The following DPYSL4 variants were observed in gnomAD, a reference collection of about 807,000 sequenced individuals.
DPYSL4 encodes the protein dihydropyrimidinase like 4.
DPYSL4 carries 43 observed loss-of-function variants against 63.4 expected under a neutral mutation model. That is an observed-to-expected ratio of 0.68 (90% CI 0.53 to 0.88). DPYSL4 has a LOEUF of 0.88. Among genes scored for constraint, DPYSL4 ranks in the 40% least tolerant of loss-of-function variants. The pLI, the probability that DPYSL4 is intolerant of heterozygous loss-of-function variation, is 0.00. For synonymous variants in DPYSL4, 353 were observed against 331.7 expected, an observed-to-expected ratio of 1.06 and a Z score of -0.70; for missense variants, 733 against 819.5, an observed-to-expected ratio of 0.89 and a Z score of 1.29.
chr10:132,199,015 C>A, intron 8 of DPYSL4, 44 bp downstream of exon 8: 1 of 1,594,022 alleles, frequency 6.3e-7, no homozygotes, highest in South Asian at 1.1e-5. Flanking sequence ...GCCATGGTCT[C>A]GGCCTCCTGG....
Position 132,202,754 on chromosome 10 carries a change from G to T in DPYSL4, c.1390G>T (p.Gly464Trp). Residue 464 changes from glycine (G) to tryptophan (W), a missense_variant, in exon 12 of 14, where the codon GGG (glycine) becomes TGG (tryptophan). Physicochemically the swap from Gly to Trp is radical, Grantham distance 184. Transcript: ENST00000338492. ...GGACGGGAAGATGTTTGTCACCCCG[G>T]GGGCGGGCCGCTTCGTCCCTCGGAA... ...LEDGKMFVTP[G>W]AGRFVPRKTF... is the part of the protein sequence containing the mutation. 1 of 1,613,040 alleles carries T rather than the reference G, an allele frequency of 6.2e-7. No individual in the cohort carries two copies. The highest frequency in any genetic ancestry group is 8.5e-7 in the Non-Finnish European group (1 of 1,179,878).
In DPYSL4 at chr10:132,198,454, G is replaced by A. The variant is rs1451195393; in HGVS notation, c.661G>A (p.Glu221Lys). The change falls in exon 7 of 14, where the codon GAG becomes AAG. Residue 221 changes from glutamate (E) to lysine (K), a missense_variant. By Grantham distance (56) the Glu-to-Lys change is moderately conservative (BLOSUM62 1). Transcript: ENST00000338492. ...GCTGGAGCTCGGCATCACTGGCCCCGAGGGCCACGTGCTCAGCCACCCCGA... is the reference window on the plus strand; with the variant it reads ...GCTGGAGCTCGGCATCACTGGCCCCAAGGGCCACGTGCTCAGCCACCCCGA... The part of the protein sequence containing the change: ...RLLELGITGP[E>K]GHVLSHPEEV... 6.2e-6 allele frequency: 10 copies of A among 1,606,620 alleles called. No individual in the cohort carries two copies. Among genetic ancestry groups the A allele is most frequent in the South Asian group, 1.1e-5 (1 of 89,818 alleles).
rs140074486 is a variant in DPYSL4 at position 132,196,132 on chromosome 10, T to A, written c.479-729T>A. 2.2e-4 allele frequency among the ~76,000 whole-genome samples: 33 copies of A among 152,314 alleles called. No homozygotes were observed. The East Asian group carries it at 5.6e-3, about 26-fold the overall frequency. On this transcript the variant is annotated intron_variant, in intron 4 of 13. Coordinates refer to ENST00000338492, the MANE Select transcript of DPYSL4 (RefSeq NM_006426.3). ...GCCTTAGCTTGTCACACTAGCACTT[T>A]CCACCCAGCGAGGAGGAGATGCCAT... is the stretch of plus-strand genomic sequence containing the variant.
At chr10:132,202,467 C>T (rs906649557) in intron 11 of DPYSL4, among the ~76,000 whole-genome samples, 179 bp from the exon 12 acceptor site, 2 of 152,190 alleles carry the variant, frequency 1.3e-5, no homozygotes, top group Non-Finnish European at 2.9e-5. Flanking sequence ...GTCCGTAGGC[C>T]GAGGGGGGGC....
Position 132,194,865 on chromosome 10 carries a change from A to C in DPYSL4, c.334A>C (p.Thr112Pro), listed in dbSNP as rs754020865. 6.2e-7 allele frequency: 1 copy of C among 1,612,724 alleles called. No homozygotes were observed. The highest frequency in any genetic ancestry group is 1.1e-5 in the South Asian group (1 of 91,040). The part of the protein sequence containing the change: ...TMILDHVFPD[T>P]GVSLLAAYEQ... ...CACAGTGGACCACGTCTTCCCCGACACGGGTGTGAGCCTGCTGGCGGCCTA... is the reference window on the plus strand; with the variant it reads ...CACAGTGGACCACGTCTTCCCCGACCCGGGTGTGAGCCTGCTGGCGGCCTA... The change falls in exon 4 of 14, where the codon ACG (threonine) becomes CCG (proline). Residue 112 changes from threonine to proline, a missense_variant. By Grantham distance (38) the Thr-to-Pro change is conservative. Coordinates refer to ENST00000338492, the MANE Select transcript of DPYSL4 (RefSeq NM_006426.3).
chr10:132,198,452 C>T lies in DPYSL4; in HGVS notation c.659C>T (p.Pro220Leu). ...KRLLELGITG[P>L]EGHVLSHPEE... Reference sequence around the variant, plus strand: ...TTGCTGGAGCTCGGCATCACTGGCCCCGAGGGCCACGTGCTCAGCCACCCC... The same window carrying T: ...TTGCTGGAGCTCGGCATCACTGGCCTCGAGGGCCACGTGCTCAGCCACCCC... The change falls in exon 7 of 14, where the codon CCC becomes CTC. Residue 220 changes from proline to leucine, a missense_variant. Transcript: ENST00000338492. 6.2e-7 allele frequency: 1 copy of T among 1,606,886 alleles called. No individual in the cohort carries two copies. The highest frequency in any genetic ancestry group is 8.5e-7 in the Non-Finnish European group (1 of 1,178,430).
chr10:132,194,861 C>A lies in DPYSL4; in HGVS notation c.330C>A (p.Pro110=). The change falls in exon 4 of 14, where the codon CCC becomes CCA. Residue 110 remains proline, a synonymous_variant. Transcript: ENST00000338492. ...CCTTCACAGTGGACCACGTCTTCCC[C>A]GACACGGGTGTGAGCCTGCTGGCGG... is the stretch of plus-strand genomic sequence containing the variant. The part of the protein sequence containing the change: ...GTTMILDHVF[P]DTGVSLLAAY... 1 of 1,612,586 alleles carries A rather than the reference C, an allele frequency of 6.2e-7. No homozygotes were observed. Among genetic ancestry groups the A allele is most frequent in the Non-Finnish European group, 8.5e-7 (1 of 1,179,788 alleles).
At chr10:132,199,936 T>C (rs2061990696) in intron 8 of DPYSL4, among the ~76,000 whole-genome samples, 1 of 151,724 alleles carries the variant, frequency 6.6e-6, no homozygotes. Context: ...CCTGGGAGCA[T>C]TTCTCCCCCA....
chr10:132,203,800 C>A lies in DPYSL4; in HGVS notation c.1500C>A (p.Asp500Glu), dbSNP rs371977334. Residue 500 changes from aspartate to glutamate, a missense_variant, in exon 13 of 14, where the codon GAC becomes GAA. By Grantham distance (45) the Asp-to-Glu change is conservative. Coordinates refer to ENST00000338492, the MANE Select transcript of DPYSL4 (RefSeq NM_006426.3). ...EIHGVPRGLY[D>E]GPVHEVMVPA... ...ACGGTGTGCCCCGTGGACTGTATGA[C>A]GGGCCCGTCCACGAGGTGATGGTGC... The A allele has an allele frequency of 1.9e-6, 3 of 1,612,322 alleles. No homozygotes were observed. Among genetic ancestry groups the A allele is most frequent in the Non-Finnish European group, 2.5e-6 (3 of 1,179,570 alleles).
intron 1 of DPYSL4, among the ~76,000 whole-genome samples, 172 bp downstream of exon 1, chr10:132,187,274 C>T (rs1250670810): frequency 6.6e-6 from 1 of 151,558 alleles, no homozygotes; most frequent in Non-Finnish European, 1.5e-5. Context: ...CCCCAGGGTC[C>T]GAGAGTCCCC....
intron 2 of DPYSL4, chr10:132,192,365 C>T: frequency 3.8e-6 from 4 of 1,059,478 alleles, no homozygotes; most frequent in Non-Finnish European, 3.4e-6. Flanking sequence ...TTCCGTTTGT[C>T]AAGCTGCTCC....
Position 132,204,862 on chromosome 10 carries a change from G to C in DPYSL4, c.1651G>C (p.Ala551Pro). ...AGGGTCTCAGGCTGATGACCACATCGCCCGACGCACAGCACAGAAGATCAT... is the reference window on the plus strand; with the variant it reads ...AGGGTCTCAGGCTGATGACCACATCCCCCGACGCACAGCACAGAAGATCAT... ...LSGSQADDHIARRTAQKIMAP... is the reference protein window; with the variant it reads ...LSGSQADDHIPRRTAQKIMAP... Residue 551 changes from alanine (A) to proline (P), a missense_variant, in exon 14 of 14, where the codon GCC becomes CCC. By Grantham distance (27) the Ala-to-Pro change is conservative. Transcript: ENST00000338492. 2 of 1,611,802 alleles carry C rather than the reference G, an allele frequency of 1.2e-6. No homozygotes were observed. Among genetic ancestry groups the C allele is most frequent in the Non-Finnish European group, 1.7e-6 (2 of 1,178,804 alleles).
At chr10:132,196,276 A>G (rs916389253) in intron 4 of DPYSL4, among the ~76,000 whole-genome samples, 8 of 152,248 alleles carry the variant, frequency 5.3e-5, no homozygotes, top group Non-Finnish European at 7.4e-5. Flanking sequence ...AGGAAACAGG[A>G]GAGCTCAGCC....
At chr10:132,190,723 A>G (rs1467974970) in intron 1 of DPYSL4, 24 bp from the exon 2 acceptor site, 2 of 1,604,244 alleles carry the variant, frequency 1.2e-6, no homozygotes, top group Admixed American at 3.4e-5. Flanking sequence ...TTGGAGAAAA[A>G]TTACCCTTTG....
At chr10:132,199,414 G>T (rs1021284434) in intron 8 of DPYSL4, among the ~76,000 whole-genome samples, 8 of 152,128 alleles carry the variant, frequency 5.3e-5, no homozygotes, top group East Asian at 3.9e-4. Context: ...GGGCGGGGGG[G>T]TGCCACCCAG....
rs982321237 is a variant in DPYSL4, at chr10:132,201,964, G to A, written c.1129G>A (p.Glu377Lys). ...EKCVASGKMD[E>K]NEFVAVTSTN... is the part of the protein sequence containing the mutation. The stretch of plus-strand genomic sequence containing the variant: ...TCCCCAGGCCTCTGGGAAGATGGAC[G>A]AGAATGAGTTCGTCGCGGTGACCAG... The change falls in exon 11 of 14, where the codon GAG (glutamate) becomes AAG (lysine). Residue 377 changes from glutamate to lysine, a missense_variant. Physicochemically the swap from Glu to Lys is moderately conservative, Grantham distance 56. Transcript: ENST00000338492. 1.1e-5 allele frequency: 18 copies of A among 1,612,830 alleles called. No individual in the cohort carries two copies. Among genetic ancestry groups the A allele is most frequent in the Middle Eastern group, 1.6e-4 (1 of 6,072 alleles).
rs1391864662 is a variant in DPYSL4, at chr10:132,200,353, CA to C, written c.812-2del. ...GGCACCTCTCATGGGCCTCGTGCTG[CA>C]GGGGTGGTCGTGTTTGGGGAGCCCA... On this transcript the variant is annotated splice_acceptor_variant, in intron 8 of 13. Coordinates refer to ENST00000338492, the MANE Select transcript of DPYSL4 (RefSeq NM_006426.3). LOFTEE classifies it high-confidence loss of function. 1 of 1,613,120 alleles carries C rather than the reference CA, an allele frequency of 6.2e-7. No individual in the cohort carries two copies. The highest frequency in any genetic ancestry group is 1.1e-5 in the South Asian group (1 of 91,068).
At chr10:132,190,190 G>A (rs184238433) in intron 1 of DPYSL4, among the ~76,000 whole-genome samples, 4 of 152,364 alleles carry the variant, frequency 2.6e-5, no homozygotes, top group Admixed American at 2.0e-4. Context: ...TTTTGCTGCC[G>A]TTGGTCTCCC....
rs550316566 is a variant in DPYSL4, at chr10:132,197,343, A to C, written c.621+242A>C. On this transcript the variant is annotated intron_variant, in intron 6 of 13. Transcript: ENST00000338492. The stretch of plus-strand genomic sequence containing the variant: ...ATAAAACAGCTTCTCCTTGATCAAC[A>C]CTTCTTATCCAAAATACCTCAAAAG... Among the ~76,000 whole-genome samples the C allele has an allele frequency of 7.2e-5, 11 of 152,322 alleles. No individual in the cohort carries two copies. In the South Asian group the frequency reaches 2.3e-3, roughly 32 times the overall value.
Sources: allele counts gnomAD v4.1 joint callset (sites outside exome capture counted in the v4.1 genomes callset), GRCh38; gene constraint gnomAD v4.1.1; transcripts MANE v1.5; gene names NCBI Gene and HGNC (gene_info 2026-07-23, HGNC 2026-07-21).